KDF1: variants seen among roughly 807,000 people sequenced by gnomAD.
The protein encoded by KDF1 is keratinocyte differentiation factor 1, also known as RP11-344H11.3.
A neutral mutation model predicts 31.6 loss-of-function variants in KDF1; 11 were observed. The observed-to-expected ratio is 0.35, with a 90% CI of 0.22 to 0.58. The LOEUF is 0.58. KDF1 is among the 20% of genes least tolerant of loss of function. KDF1 has a pLI of 0.83. For synonymous variants in KDF1, 205 were observed against 214.4 expected (o/e 0.96, Z 0.38); for missense variants, 476 against 549.1 (o/e 0.87, Z 1.33).
rs1244714677 is a variant in KDF1 at position 26,950,384 on chromosome 1, C to T, written c.1115-233G>A. ...GGGTTGTTGTCAAGGGCAAGAAGAC[C>T]GCAACAGAACCACACGGGTGTCTTT... On this transcript the variant is annotated intron_variant, in intron 3 of 3. Transcript: ENST00000320567. The surrounding 1 kb of genome is among the most constrained non-coding windows in gnomAD (Gnocchi z 4.0). Among the ~76,000 whole-genome samples the T allele has an allele frequency of 6.6e-6, 1 of 152,168 alleles. No individual in the cohort carries two copies. Among genetic ancestry groups the T allele is most frequent in the Admixed American group, 6.5e-5 (1 of 15,282 alleles).
In KDF1 at chr1:26,951,827, TC is replaced by T; in HGVS notation, c.553del (p.Asp185ThrfsTer63). 1 of 1,613,412 alleles carries T rather than the reference TC, an allele frequency of 6.2e-7. No individual in the cohort carries two copies. Among genetic ancestry groups the T allele is most frequent in the South Asian group, 1.1e-5 (1 of 91,034 alleles). On this transcript the variant is annotated frameshift_variant, in exon 2 of 4. Transcript: ENST00000320567. LOFTEE classifies it high-confidence loss of function. This position sits in a 1 kb window ranked among gnomAD's most constrained non-coding sequence, Gnocchi z 5.4. ...GGCCAGTGGCTCCTTGCAGCAGGAGTCCGCATCAGGGGCTGGGGAGGTGGCC... is the reference window on the plus strand; with the variant it reads ...GGCCAGTGGCTCCTTGCAGCAGGAGTCGCATCAGGGGCTGGGGAGGTGGCC... ...PRATSPAPDA[D>X]SCCKEPLADP...
chr1:26,956,952 G>A (rs930165644), intron 1 of KDF1, among the ~76,000 whole-genome samples: 25 of 152,174 alleles, frequency 1.6e-4, no homozygotes, highest in Admixed American at 1.4e-3. Flanking sequence ...TTAGAGATAA[G>A]GTCTCCCTCT....
intron 1 of KDF1, among the ~76,000 whole-genome samples, chr1:26,959,701 A>C (rs1377536740): frequency 1.3e-5 from 2 of 151,582 alleles, no homozygotes; most frequent in Non-Finnish European, 2.9e-5. Flanking sequence ...TCAAGGGTCT[A>C]TGTACCGTCC....
Position 26,952,097 on chromosome 1 carries a change from C to G in KDF1, c.284G>C (p.Cys95Ser), listed in dbSNP as rs2082353953. 6.2e-7 allele frequency: 1 copy of G among 1,613,198 alleles called. No homozygotes were observed. Among genetic ancestry groups the G allele is most frequent in the African/African-American group, 1.3e-5 (1 of 74,920 alleles). Reference sequence around the variant, plus strand: ...TCCACAGCGCTGGAGGCAATCCCGGCAGCGGCGGAAGCAGAAGGCAGCCCG... The same window carrying G: ...TCCACAGCGCTGGAGGCAATCCCGGGAGCGGCGGAAGCAGAAGGCAGCCCG... The part of the protein sequence containing the change: ...WCRAAFCFRR[C>S]RDCLQRCGAC... Residue 95 changes from cysteine to serine, a missense_variant, in exon 2 of 4, where the codon TGC becomes TCC. Cys to Ser is a moderately radical substitution (Grantham distance 112). This residue lies in a region of KDF1 where 330 missense variants were observed against 332.3 expected (regional missense o/e 0.99). Transcript: ENST00000320567. This position sits in a 1 kb window ranked among gnomAD's most constrained non-coding sequence, Gnocchi z 4.1.
chr1:26,952,509 C>T lies in KDF1; in HGVS notation c.-32-97G>A. 1.0e-6 allele frequency: 1 copy of T among 964,176 alleles called. No homozygotes were observed. The highest frequency in any genetic ancestry group is 1.5e-6 in the Non-Finnish European group (1 of 679,800). The allele number at this position is 964,176 out of a possible 1,614,324, so 59.7% of individuals were successfully genotyped here. On this transcript the variant is annotated intron_variant, in intron 1 of 3. Transcript: ENST00000320567. This position sits in a 1 kb window ranked among gnomAD's most constrained non-coding sequence, Gnocchi z 4.1. ...CTTCACATTTCTAGTTTCTGAGAGGCCTGGGATGTGGATGGACCCAAGTAT... is the reference window on the plus strand; with the variant it reads ...CTTCACATTTCTAGTTTCTGAGAGGTCTGGGATGTGGATGGACCCAAGTAT...
In KDF1 at chr1:26,950,070, T is replaced by TA; in HGVS notation, c.1195dup (p.Ter399LeufsTer91). Reference sequence around the variant, plus strand: ...TGTGGCAGCTGGGCCTGGCAGGGGTTAGCAGTACACCTGGAGCAAGGGTGC... The same window carrying TA: ...TGTGGCAGCTGGGCCTGGCAGGGGTTAAGCAGTACACCTGGAGCAAGGGTGC... On this transcript the variant is annotated frameshift_variant and stop_lost, in exon 4 of 4. Coordinates refer to ENST00000320567, the MANE Select transcript of KDF1 (RefSeq NM_152365.3). LOFTEE classifies it high-confidence loss of function. The surrounding 1 kb of genome is among the most constrained non-coding windows in gnomAD (Gnocchi z 4.0). 6.2e-7 allele frequency: 1 copy of TA among 1,613,306 alleles called. No individual in the cohort carries two copies. Among genetic ancestry groups the TA allele is most frequent in the East Asian group, 2.2e-5 (1 of 44,864 alleles).
chr1:26,950,841 G>A lies in KDF1; in HGVS notation c.1040-85C>T, dbSNP rs2082344861. Reference sequence around the variant, plus strand: ...TACTTCTGTTCCCAGCCCGATGAGGGAGGAGCCACTCACTCCTGGGCAGGG... The same window carrying A: ...TACTTCTGTTCCCAGCCCGATGAGGAAGGAGCCACTCACTCCTGGGCAGGG... On this transcript the variant is annotated intron_variant, in intron 2 of 3. Transcript: ENST00000320567. The surrounding 1 kb of genome is among the most constrained non-coding windows in gnomAD (Gnocchi z 4.0). 2 of 1,222,144 alleles carry A rather than the reference G, an allele frequency of 1.6e-6. No individual in the cohort carries two copies. Among genetic ancestry groups the A allele is most frequent in the Non-Finnish European group, 2.4e-6 (2 of 828,252 alleles). The allele number at this position is 1,222,144 out of a possible 1,614,324, so 75.7% of individuals were successfully genotyped here. A position where few individuals can be genotyped will look rare whatever the true frequency, so the allele number is the denominator to read the frequency against.
In KDF1 at chr1:26,952,817, C is replaced by G. The variant is rs577330402; in HGVS notation, c.-32-405G>C. Among the ~76,000 whole-genome samples, 24 of 151,996 alleles carry G rather than the reference C, an allele frequency of 1.6e-4. No homozygotes were observed. Among genetic ancestry groups the G allele is most frequent in the African/African-American group, 5.8e-4 (24 of 41,466 alleles). ...CTAACATGGTGAAACTCCGTCTCTA[C>G]TAAAAATACAAAAAAAATTAGCCAG... On this transcript the variant is annotated intron_variant, in intron 1 of 3. Coordinates refer to ENST00000320567, the MANE Select transcript of KDF1 (RefSeq NM_152365.3). The surrounding 1 kb of genome is among the most constrained non-coding windows in gnomAD (Gnocchi z 4.1).
chr1:26,953,010 A>G (rs995243501), intron 1 of KDF1, among the ~76,000 whole-genome samples: 1 of 151,986 alleles, frequency 6.6e-6, no homozygotes, highest in Non-Finnish European at 1.5e-5. Flanking sequence ...GAAAAAGAAA[A>G]AAAGAAAGGT....
In KDF1 at chr1:26,952,266, T is replaced by C. The variant is rs1282260823; in HGVS notation, c.115A>G (p.Ser39Gly). The C allele has an allele frequency of 1.9e-6, 3 of 1,581,560 alleles. No homozygotes were observed. ...TYDKPPQPPP[S>G]RRTRRPDPKD... ...GGGTCTGGTCTACGGGTGCGGCGGC[T>C]TGGTGGGGGCTGAGGTGGTTTATCA... is the stretch of plus-strand genomic sequence containing the variant. The change falls in exon 2 of 4, where the codon AGC (serine) becomes GGC (glycine). Residue 39 changes from serine to glycine, a missense_variant. By Grantham distance (56) the Ser-to-Gly change is moderately conservative. Around this residue, in one of 2 missense-constraint regions of KDF1, gnomAD observed 330 missense variants for 332.3 expected, o/e 0.99. Transcript: ENST00000320567. This position sits in a 1 kb window ranked among gnomAD's most constrained non-coding sequence, Gnocchi z 4.1.
chr1:26,950,031 T>G lies in KDF1; in HGVS notation c.*38A>C. On this transcript the variant is annotated 3_prime_UTR_variant, in exon 4 of 4. Coordinates refer to ENST00000320567, the MANE Select transcript of KDF1 (RefSeq NM_152365.3). This position sits in a 1 kb window ranked among gnomAD's most constrained non-coding sequence, Gnocchi z 4.0. ...CCCTCTTCATTCTGTAGGCCATGCT[T>G]CTCCCAGAAAGGGTGTGGCAGCTGG... is the stretch of plus-strand genomic sequence containing the variant. 1 of 1,576,830 alleles carries G rather than the reference T, an allele frequency of 6.3e-7. No homozygotes were observed. The highest frequency in any genetic ancestry group is 8.7e-7 in the Non-Finnish European group (1 of 1,146,972).
Position 26,950,214 on chromosome 1 carries a change from G to T in KDF1, c.1115-63C>A. The stretch of plus-strand genomic sequence containing the variant: ...GGGAAGGAGCTCATCCAGATCCCAT[G>T]ACCAGGGAGAAGCCTGCTGAGAAGG... On this transcript the variant is annotated intron_variant, in intron 3 of 3. Transcript: ENST00000320567. This position sits in a 1 kb window ranked among gnomAD's most constrained non-coding sequence, Gnocchi z 4.0. 3 of 1,458,238 alleles carry T rather than the reference G, an allele frequency of 2.1e-6. No homozygotes were observed. The South Asian group carries it at 3.4e-5, about 17-fold the overall frequency. The allele number at this position is 1,458,238 out of a possible 1,614,324, so 90.3% of individuals were successfully genotyped here. A position where few individuals can be genotyped will look rare whatever the true frequency, so the allele number is the denominator to read the frequency against.
At chr1:26,957,756 C>T (rs2124164519) in intron 1 of KDF1, among the ~76,000 whole-genome samples, 1 of 152,264 alleles carries the variant, frequency 6.6e-6, no homozygotes, top group Non-Finnish European at 1.5e-5. Context: ...TGGATTCACA[C>T]ATTCACGCAA....
In KDF1 at chr1:26,952,624, C is replaced by A. The variant is rs1011594789; in HGVS notation, c.-32-212G>T. Among the ~76,000 whole-genome samples the A allele has an allele frequency of 2.0e-5, 3 of 151,534 alleles. No homozygotes were observed. The highest frequency in any genetic ancestry group is 7.3e-5 in the African/African-American group (3 of 40,860). ...GGCCCTCCCTCCACAAAGAGAAAGT[C>A]TCTGTGGTCTAACCCAGATTTCAAA... On this transcript the variant is annotated intron_variant, in intron 1 of 3. Transcript: ENST00000320567. This position sits in a 1 kb window ranked among gnomAD's most constrained non-coding sequence, Gnocchi z 4.1.
In KDF1 at chr1:26,952,721, C is replaced by T. The variant is rs182811249; in HGVS notation, c.-32-309G>A. On this transcript the variant is annotated intron_variant, in intron 1 of 3. Coordinates refer to ENST00000320567, the MANE Select transcript of KDF1 (RefSeq NM_152365.3). This position sits in a 1 kb window ranked among gnomAD's most constrained non-coding sequence, Gnocchi z 4.1. ...ATTGGCCGGGCGTGGTGGCTCACGCCTGTAATCCCAGCACTTTGGGAGGCC... is the reference window on the plus strand; with the variant it reads ...ATTGGCCGGGCGTGGTGGCTCACGCTTGTAATCCCAGCACTTTGGGAGGCC... Among the ~76,000 whole-genome samples, 1 of 152,266 alleles carries T rather than the reference C, an allele frequency of 6.6e-6. No individual in the cohort carries two copies. The highest frequency in any genetic ancestry group is 1.9e-4 in the East Asian group (1 of 5,178).
Position 26,951,065 on chromosome 1 carries a change from G to A in KDF1, c.1039+277C>T, listed in dbSNP as rs1052640241. On this transcript the variant is annotated intron_variant, in intron 2 of 3. Coordinates refer to ENST00000320567, the MANE Select transcript of KDF1 (RefSeq NM_152365.3). The surrounding 1 kb of genome is among the most constrained non-coding windows in gnomAD (Gnocchi z 5.4). ...GGAGAGGAGCCTTTTGGGTAAACTT[G>A]TTGAATGCAGAGGGAACCTTGACCT... Among the ~76,000 whole-genome samples, 3 of 152,166 alleles carry A rather than the reference G, an allele frequency of 2.0e-5. No homozygotes were observed. The South Asian group carries it at 6.2e-4, about 32-fold the overall frequency.
At position 26,950,059 on chromosome 1, in the gene KDF1, C is replaced by G; in HGVS notation, c.*10G>C. On this transcript the variant is annotated 3_prime_UTR_variant, in exon 4 of 4. Transcript: ENST00000320567. The surrounding 1 kb of genome is among the most constrained non-coding windows in gnomAD (Gnocchi z 4.0). ...CCCAGAAAGGGTGTGGCAGCTGGGCCTGGCAGGGGTTAGCAGTACACCTGG... is the reference window on the plus strand; with the variant it reads ...CCCAGAAAGGGTGTGGCAGCTGGGCGTGGCAGGGGTTAGCAGTACACCTGG... The G allele has an allele frequency of 6.2e-7, 1 of 1,611,984 alleles. No homozygotes were observed. The highest frequency in any genetic ancestry group is 8.5e-7 in the Non-Finnish European group (1 of 1,178,208).
At chr1:26,956,374 C>T (rs2082377497) in intron 1 of KDF1, among the ~76,000 whole-genome samples, 1 of 152,128 alleles carries the variant, frequency 6.6e-6, no homozygotes, top group Non-Finnish European at 1.5e-5. Flanking sequence ...CTCTTACTTG[C>T]TGTAGCAAGT....
chr1:26,949,712 C>G lies in KDF1; in HGVS notation c.*357G>C. Reference sequence around the variant, plus strand: ...AGCTTCTTTTAACTGTTGAATTACCCCAGGGAGGGAGAAGTTTGCATGATT... The same window carrying G: ...AGCTTCTTTTAACTGTTGAATTACCGCAGGGAGGGAGAAGTTTGCATGATT... On this transcript the variant is annotated 3_prime_UTR_variant, in exon 4 of 4. Transcript: ENST00000320567. 1 of 251,136 alleles carries G rather than the reference C, an allele frequency of 4.0e-6. No individual in the cohort carries two copies. The highest frequency in any genetic ancestry group is 5.2e-5 in the South Asian group (1 of 19,116). 15.6% of individuals were successfully genotyped at this position (251,136 alleles called of 1,614,324 possible).
Sources: gnomAD v4.1 joint callset for allele counts (sites outside exome capture counted in the v4.1 genomes callset) on GRCh38, gnomAD v4.1.1 for gene constraint, gnomAD v4.1.1 regional missense constraint, Gnocchi (gnomAD v3.1) non-coding constraint, MANE v1.5 for transcripts, NCBI Gene and HGNC (gene_info 2026-07-23, HGNC 2026-07-21) for gene names.